The following CTNNA2 variants were observed in gnomAD, a reference collection of about 807,000 sequenced individuals.
The protein encoded by CTNNA2 is catenin alpha 2.
Under a neutral mutation model 101.0 loss-of-function variants are expected in CTNNA2, and 42 were observed. That is an observed-to-expected ratio of 0.42 (90% CI 0.32 to 0.54). CTNNA2 has a LOEUF of 0.54. Among genes scored for constraint, CTNNA2 ranks in the 20% least tolerant of loss-of-function variants. The probability of loss-of-function intolerance (pLI) is 0.14; values close to 1 mark genes in which losing one functional copy is unlikely to be tolerated. For synonymous variants in CTNNA2, 450 were observed against 456.4 expected (o/e 0.99, Z 0.18); for missense variants, 871 against 1,223.1 (o/e 0.71, Z 4.29).
chr2:80,272,844 C>A (rs1189623658), intron 7 of CTNNA2, among the ~76,000 whole-genome samples: 1 of 152,316 alleles, frequency 6.6e-6, no homozygotes, highest in African/African-American at 2.4e-5. Flanking sequence ...TGCGAGACAA[C>A]TATTTTGCCA....
chr2:79,409,697 C>T (rs1438781098), intron 4 of CTNNA2, among the ~76,000 whole-genome samples: 1 of 150,162 alleles, frequency 6.7e-6, no homozygotes, highest in South Asian at 2.2e-4. Context: ...GTTTTGGTTA[C>T]TGTAGCCTTG....
At chr2:80,443,351 G>A (rs961666601) in intron 9 of CTNNA2, among the ~76,000 whole-genome samples, 1 of 152,126 alleles carries the variant, frequency 6.6e-6, no homozygotes, top group African/African-American at 2.4e-5. Flanking sequence ...CATTTTTCAG[G>A]CTGCTATTTA....
At chr2:79,787,194 A>G (rs1674908105) in intron 3 of CTNNA2, among the ~76,000 whole-genome samples, 2 of 152,156 alleles carry the variant, frequency 1.3e-5, no homozygotes, top group African/African-American at 4.8e-5. Flanking sequence ...TTAAAAATAA[A>G]TTATATTATT....
At chr2:79,628,383 G>T (rs1161476988) in intron 1 of CTNNA2, among the ~76,000 whole-genome samples, 1 of 151,922 alleles carries the variant, frequency 6.6e-6, no homozygotes, top group Non-Finnish European at 1.5e-5. Flanking sequence ...AACCTGGGAG[G>T]TGGAGGTTGC....
chr2:79,955,657 A>C (rs879572418), intron 7 of CTNNA2, among the ~76,000 whole-genome samples: 3 of 152,202 alleles, frequency 2.0e-5, no homozygotes, highest in Non-Finnish European at 4.4e-5. Context: ...AACCACAGGC[A>C]CATGCTACCA....
intron 3 of CTNNA2, among the ~76,000 whole-genome samples, chr2:79,849,305 T>TA (rs397825126): frequency 1.3e-5 from 2 of 150,676 alleles, no homozygotes; most frequent in African/African-American, 2.5e-5. Flanking sequence ...TTTTTTTTTT[T>TA]AATAAGCAGA....
chr2:80,031,758 A>G (rs1356810192), intron 7 of CTNNA2, among the ~76,000 whole-genome samples: 2 of 152,246 alleles, frequency 1.3e-5, no homozygotes, highest in Non-Finnish European at 2.9e-5. Context: ...TTCAACATGC[A>G]TAGCCATGGA....
At chr2:79,389,763 G>A (rs550453418) in intron 4 of CTNNA2, among the ~76,000 whole-genome samples, 2 of 152,158 alleles carry the variant, frequency 1.3e-5, no homozygotes, top group South Asian at 2.1e-4. Context: ...ATTACATCAC[G>A]GTTCAGCTAT....
At position 80,242,685 on chromosome 2, in the gene CTNNA2, C is replaced by T. The variant is rs539939087; in HGVS notation, c.1057-150526C>T. Among the ~76,000 whole-genome samples the T allele has an allele frequency of 5.3e-5, 8 of 152,296 alleles. No individual in the cohort carries two copies. In the South Asian group the frequency reaches 1.7e-3, roughly 32 times the overall value. ...GTCTAAGTGTCAACTCAAACAATGGCATTTCCCACTCAGAGTTTGGCTCCA... is the reference window on the plus strand; with the variant it reads ...GTCTAAGTGTCAACTCAAACAATGGTATTTCCCACTCAGAGTTTGGCTCCA... On this transcript the variant is annotated intron_variant, in intron 7 of 18. Transcript: ENST00000402739.
chr2:80,325,996 C>T (rs1679205913), intron 7 of CTNNA2, among the ~76,000 whole-genome samples: 1 of 152,128 alleles, frequency 6.6e-6, no homozygotes, highest in African/African-American at 2.4e-5. Context: ...CCTTAGTGAG[C>T]TTCATGCATT....
chr2:80,068,674 A>G (rs1698132083), intron 7 of CTNNA2, among the ~76,000 whole-genome samples: 2 of 152,280 alleles, frequency 1.3e-5, no homozygotes, highest in East Asian at 1.9e-4. Context: ...TTTTCTCTTA[A>G]TAACTTGAGA....
At chr2:80,287,534 G>A (rs1286545935) in intron 7 of CTNNA2, among the ~76,000 whole-genome samples, 1 of 152,158 alleles carries the variant, frequency 6.6e-6, no homozygotes, top group East Asian at 1.9e-4. Flanking sequence ...GACACTGATG[G>A]TGACGATACT....
At chr2:80,458,969 T>A (rs1684204344) in intron 9 of CTNNA2, among the ~76,000 whole-genome samples, 1 of 152,194 alleles carries the variant, frequency 6.6e-6, no homozygotes, top group Non-Finnish European at 1.5e-5. Flanking sequence ...AAAAATATTT[T>A]ATACCATATT....
intron 4 of CTNNA2, among the ~76,000 whole-genome samples, chr2:79,454,306 T>C (rs1670789811): frequency 6.6e-6 from 1 of 152,212 alleles, no homozygotes; most frequent in Non-Finnish European, 1.5e-5. Flanking sequence ...TAATTCACAA[T>C]ATATGTAATT....
intron 7 of CTNNA2, among the ~76,000 whole-genome samples, chr2:79,992,303 A>C (rs1692237310): frequency 6.6e-6 from 1 of 152,220 alleles, no homozygotes; most frequent in South Asian, 2.1e-4. Context: ...AATCACAAAA[A>C]AAAAGAAAAG....
At chr2:79,587,296 C>T (rs2103953453) in intron 1 of CTNNA2, among the ~76,000 whole-genome samples, 1 of 152,086 alleles carries the variant, frequency 6.6e-6, no homozygotes, top group South Asian at 2.1e-4. Flanking sequence ...ATAGGAAAGC[C>T]TGAAAGAAAC....
intron 7 of CTNNA2, among the ~76,000 whole-genome samples, chr2:80,339,330 CTGACCTAGAAAGGGTATTAA>C (rs982410104): frequency 6.6e-6 from 1 of 152,048 alleles, no homozygotes; most frequent in Non-Finnish European, 1.5e-5. Context: ...GTTTATGGCA[CTGACCTAGAAAGGGTATTAA>C]TGAGGTCTAT....
intron 1 of CTNNA2, among the ~76,000 whole-genome samples, chr2:79,568,900 G>A (rs1415131645): frequency 2.0e-5 from 3 of 146,778 alleles, no homozygotes; most frequent in Non-Finnish European, 4.5e-5. Context: ...CAGGCATGAT[G>A]GTATGTGCTC....
intron 2 of CTNNA2, among the ~76,000 whole-genome samples, chr2:79,736,629 A>C (rs1352928704): frequency 6.6e-6 from 1 of 152,160 alleles, no homozygotes; most frequent in Non-Finnish European, 1.5e-5. Flanking sequence ...TCACCCCAAA[A>C]ATGTCTTGCT....
Sources: allele counts gnomAD v4.1 joint callset (sites outside exome capture counted in the v4.1 genomes callset), GRCh38; gene constraint gnomAD v4.1.1; transcripts MANE v1.5; gene names NCBI Gene and HGNC (gene_info 2026-07-23, HGNC 2026-07-21).